Variants in GRIK4 observed in about 807,000 individuals in gnomAD.
GRIK4 encodes glutamate receptor ionotropic, kainate 4.
A neutral mutation model predicts 104.9 loss-of-function variants in GRIK4; 40 were observed. That is an observed-to-expected ratio of 0.38 (90% CI 0.30 to 0.50). The LOEUF (loss-of-function observed/expected upper bound fraction) is 0.50. Ranked by LOEUF, GRIK4 falls within the 20% of genes least tolerant of loss-of-function variation. The pLI, the probability that GRIK4 is intolerant of heterozygous loss-of-function variation, is 0.93. For missense variants in GRIK4, 1,047 were observed against 1,308.1 expected, an observed-to-expected ratio of 0.80 and a Z score of 3.08; for synonymous variants, 485 against 524.9, an observed-to-expected ratio of 0.92 and a Z score of 1.04.
intron 1 of GRIK4, among the ~76,000 whole-genome samples, chr11:120,598,122 T>G (rs904531110): frequency 6.6e-6 from 1 of 152,170 alleles, no homozygotes; most frequent in Non-Finnish European, 1.5e-5. Flanking sequence ...CTTCTGTTCT[T>G]TCCACTCTTC....
chr11:120,628,953 A>G (rs1237493579), intron 1 of GRIK4, among the ~76,000 whole-genome samples: 1 of 152,188 alleles, frequency 6.6e-6, no homozygotes, highest in Non-Finnish European at 1.5e-5. Context: ...AGAGTGGAGA[A>G]TGCGTCTGCT....
intron 3 of GRIK4, among the ~76,000 whole-genome samples, chr11:120,682,977 G>A (rs1200119270): frequency 3.3e-5 from 5 of 151,980 alleles, no homozygotes; most frequent in Non-Finnish European, 7.4e-5. Flanking sequence ...TCTGTGACAC[G>A]CTCCCTGATA....
chr11:120,622,461 C>T (rs1033243022), intron 1 of GRIK4, among the ~76,000 whole-genome samples: 2 of 152,190 alleles, frequency 1.3e-5, no homozygotes, highest in South Asian at 4.1e-4. Context: ...TGTTTTTGAG[C>T]AAGACTCACA....
chr11:120,687,728 C>T (rs1260642974), intron 3 of GRIK4, among the ~76,000 whole-genome samples: 1 of 152,170 alleles, frequency 6.6e-6, no homozygotes, highest in African/African-American at 2.4e-5. Context: ...GAGTCCCTGC[C>T]GGGTTGTGTT....
chr11:120,684,364 A>T (rs942389277), intron 3 of GRIK4, among the ~76,000 whole-genome samples: 13 of 152,200 alleles, frequency 8.5e-5, no homozygotes, highest in African/African-American at 3.1e-4. Flanking sequence ...AAACAAATGG[A>T]ATATGAATTT....
intron 13 of GRIK4, among the ~76,000 whole-genome samples, chr11:120,920,273 C>T (rs546264296): frequency 5.3e-5 from 8 of 152,242 alleles, no homozygotes; most frequent in East Asian, 1.9e-4. Flanking sequence ...ACTTTGTGGA[C>T]GCTCTGTGAG....
At chr11:120,906,428 C>T (rs1329329542) in intron 13 of GRIK4, among the ~76,000 whole-genome samples, 3 of 152,216 alleles carry the variant, frequency 2.0e-5, no homozygotes, top group African/African-American at 7.2e-5. Context: ...ATCTCTAATC[C>T]TCTTTAAACA....
At chr11:120,620,411 C>T (rs78167245) in intron 1 of GRIK4, 9,372 of 514,806 alleles carry the variant, frequency 0.018, 477 homozygotes, top group African/African-American at 0.13. Context: ...CTACCATAAC[C>T]CAGTCCCCAT....
Position 120,549,673 on chromosome 11 carries a change from C to A in GRIK4, c.-159+37786C>A, listed in dbSNP as rs1948120632. Among the ~76,000 whole-genome samples, 1 of 152,168 alleles carries A rather than the reference C, an allele frequency of 6.6e-6. No individual in the cohort carries two copies. On this transcript the variant is annotated intron_variant, in intron 1 of 20. Transcript: ENST00000527524. The surrounding 1 kb of genome is among the most constrained non-coding windows in gnomAD (Gnocchi z 4.7). ...GGGCCTGGGACAAGACAAGCAGAGG[C>A]TGAGGGCGGGTCGTGGGCCCCTGGG...
intron 1 of GRIK4, among the ~76,000 whole-genome samples, chr11:120,646,126 A>T (rs1949540269): frequency 3.3e-5 from 5 of 152,208 alleles, no homozygotes; most frequent in Admixed American, 3.3e-4. Context: ...ACTAATGGAA[A>T]ATCTGTACCT....
intron 15 of GRIK4, among the ~76,000 whole-genome samples, chr11:120,954,666 C>T (rs1466211494): frequency 1.3e-5 from 2 of 151,940 alleles, no homozygotes; most frequent in Admixed American, 6.6e-5. Context: ...TGGGGTGTTA[C>T]GCTGCCCCTC....
chr11:120,980,157 G>A (rs1011186110), intron 19 of GRIK4, among the ~76,000 whole-genome samples: 7 of 152,216 alleles, frequency 4.6e-5, no homozygotes, highest in East Asian at 1.9e-4. Flanking sequence ...TTTCTATCTC[G>A]AGCACAACTA....
intron 2 of GRIK4, among the ~76,000 whole-genome samples, chr11:120,655,737 T>TG (rs1193032621): frequency 6.6e-6 from 1 of 152,094 alleles, no homozygotes; most frequent in East Asian, 1.9e-4. Flanking sequence ...TTATTAAATG[T>TG]GGGGGTGTGG....
chr11:120,841,102 G>A (rs979978112), intron 8 of GRIK4, among the ~76,000 whole-genome samples: 19 of 151,968 alleles, frequency 1.3e-4, no homozygotes, highest in African/African-American at 3.4e-4. Context: ...TATTATTGTG[G>A]TGAAATATAT....
chr11:120,733,092 A>G (rs3133854), intron 3 of GRIK4, among the ~76,000 whole-genome samples: 59,302 of 152,014 alleles, frequency 0.39, 12,529 homozygotes, highest in African/African-American at 0.54. Flanking sequence ...TTATATAATG[A>G]CATTCTATGT....
chr11:120,735,051 G>A (rs114844866), intron 3 of GRIK4, among the ~76,000 whole-genome samples: 3,224 of 152,188 alleles, frequency 0.021, 107 homozygotes, highest in African/African-American at 0.072. Context: ...TCACATATCT[G>A]TTTCTCCAGG....
chr11:120,616,282 T>C (rs1302070786), intron 1 of GRIK4, among the ~76,000 whole-genome samples: 2 of 152,114 alleles, frequency 1.3e-5, no homozygotes, highest in African/African-American at 4.8e-5. Flanking sequence ...TGGGCCATGA[T>C]GGATTGTGAC....
intron 1 of GRIK4, among the ~76,000 whole-genome samples, chr11:120,534,586 G>C (rs1947954360): frequency 6.6e-6 from 1 of 152,184 alleles, no homozygotes; most frequent in South Asian, 2.1e-4. Context: ...AGGTTGCTCA[G>C]AAACCCAGGT....
chr11:120,973,901 T>G (rs1944517081), intron 19 of GRIK4, among the ~76,000 whole-genome samples: 1 of 112,208 alleles, frequency 8.9e-6, no homozygotes, highest in South Asian at 2.9e-4. Context: ...CAAAGATCTC[T>G]TCCCTTAAAT....
Sources: gnomAD v4.1 joint callset for allele counts (sites outside exome capture counted in the v4.1 genomes callset) on GRCh38, gnomAD v4.1.1 for gene constraint, Gnocchi (gnomAD v3.1) non-coding constraint, MANE v1.5 for transcripts, NCBI Gene and HGNC (gene_info 2026-07-23, HGNC 2026-07-21) for gene names.